PLD5: variants seen among roughly 807,000 people sequenced by gnomAD.
PLD5 encodes the protein inactive phospholipase D5.
A neutral mutation model predicts 61.1 loss-of-function variants in PLD5; 36 were observed. The observed-to-expected ratio is 0.59, with a 90% CI of 0.45 to 0.78. The LOEUF (loss-of-function observed/expected upper bound fraction) is 0.78, where lower values mean the gene tolerates loss of function less well. PLD5 is among the 30% of genes least tolerant of loss of function. PLD5 has a pLI of 0.00. For missense variants in PLD5, 515 were observed against 644.4 expected, an observed-to-expected ratio of 0.80 and a Z score of 2.17; for synonymous variants, 243 against 242.8, an observed-to-expected ratio of 1.00 and a Z score of -0.01.
chr1:242,247,655 A>G (rs1232683534), intron 4 of PLD5, among the ~76,000 whole-genome samples: 1 of 152,158 alleles, frequency 6.6e-6, no homozygotes, highest in African/African-American at 2.4e-5. Flanking sequence ...ATCACAGCCA[A>G]TAACTCAGTT....
intron 1 of PLD5, among the ~76,000 whole-genome samples, chr1:242,497,427 A>G (rs1668406876): frequency 6.6e-6 from 1 of 152,130 alleles, no homozygotes; most frequent in Non-Finnish European, 1.5e-5. Context: ...GCCCAAAAAG[A>G]TCTTTCTCTT....
intron 1 of PLD5, among the ~76,000 whole-genome samples, chr1:242,349,465 A>G (rs1462180002): frequency 6.6e-6 from 1 of 152,206 alleles, no homozygotes; most frequent in Non-Finnish European, 1.5e-5. Flanking sequence ...GATTCCATTT[A>G]GATGGATGGG....
chr1:242,148,119 T>C (rs1664663301), intron 5 of PLD5, among the ~76,000 whole-genome samples: 1 of 152,076 alleles, frequency 6.6e-6, no homozygotes, highest in African/African-American at 2.4e-5. Context: ...AATATTTTTC[T>C]CTTTGTTTTC....
chr1:242,367,113 TC>T (rs1661389129), intron 1 of PLD5, among the ~76,000 whole-genome samples: 1 of 152,094 alleles, frequency 6.6e-6, no homozygotes, highest in Admixed American at 6.6e-5. Context: ...CCTACTCTAC[TC>T]CCCATCTTAT....
Position 242,439,204 on chromosome 1 carries a change from C to A in PLD5, c.189+84884G>T, listed in dbSNP as rs186210189. Among the ~76,000 whole-genome samples, 22 of 152,320 alleles carry A rather than the reference C, an allele frequency of 1.4e-4. No homozygotes were observed. The East Asian group carries it at 4.2e-3, about 29-fold the overall frequency. The stretch of plus-strand genomic sequence containing the variant: ...GCTCAAAGACAAGCAAAGTTTGTTT[C>A]TTGTTCACGTAGAGTCCAAGTCAAT... On this transcript the variant is annotated intron_variant, in intron 1 of 9. Transcript: ENST00000536534.
chr1:242,207,797 TA>T (rs1487708446), intron 5 of PLD5, among the ~76,000 whole-genome samples: 4 of 99,328 alleles, frequency 4.0e-5, no homozygotes, highest in Non-Finnish European at 7.4e-5. Context: ...TATTTATATA[TA>T]TTTATATATA....
intron 7 of PLD5, among the ~76,000 whole-genome samples, chr1:242,108,181 A>G (rs1190256543): frequency 1.3e-5 from 2 of 152,222 alleles, no homozygotes; most frequent in Middle Eastern, 3.4e-3. Flanking sequence ...TGATTATCCA[A>G]TCGAATTCCA....
intron 5 of PLD5, among the ~76,000 whole-genome samples, chr1:242,134,852 T>G (rs954927691): frequency 2.6e-5 from 4 of 152,198 alleles, no homozygotes; most frequent in African/African-American, 9.7e-5. Context: ...CTTCCCTGTC[T>G]GTGAAGTTCC....
rs1181823092 is a variant in PLD5 at position 242,086,825 on chromosome 1, TC to T, written c.*3028del. ...ATATAGTCTCTAATTGTGTTTGTTTTCCTTTTTGCCTCTTGGGAAATAAATC... is the reference window on the plus strand; with the variant it reads ...ATATAGTCTCTAATTGTGTTTGTTTTCTTTTTGCCTCTTGGGAAATAAATC... On this transcript the variant is annotated 3_prime_UTR_variant, in exon 10 of 10. Coordinates refer to ENST00000536534, the MANE Select transcript of PLD5 (RefSeq NM_001372062.1). 1 of 152,198 alleles carries T rather than the reference TC, an allele frequency of 6.6e-6. No individual in the cohort carries two copies. The highest frequency in any genetic ancestry group is 1.5e-5 in the Non-Finnish European group (1 of 68,030). 9.4% of individuals were successfully genotyped at this position (152,198 alleles called of 1,614,324 possible).
intron 2 of PLD5, among the ~76,000 whole-genome samples, chr1:242,343,973 A>T (rs2149215814): frequency 1.3e-5 from 2 of 152,256 alleles, no homozygotes; most frequent in South Asian, 4.1e-4. Context: ...TACAATCTGT[A>T]GCCTCCTGCC....
At chr1:242,261,658 A>G (rs1673378647) in intron 4 of PLD5, among the ~76,000 whole-genome samples, 1 of 152,222 alleles carries the variant, frequency 6.6e-6, no homozygotes, top group Non-Finnish European at 1.5e-5. Context: ...AATTAAAACA[A>G]CAATAACACT....
chr1:242,518,907 C>G (rs189704374), intron 1 of PLD5, among the ~76,000 whole-genome samples: 9 of 152,238 alleles, frequency 5.9e-5, no homozygotes, highest in Admixed American at 5.9e-4. Flanking sequence ...GTGACAAGGA[C>G]AGTGATGGAC....
At chr1:242,092,777 C>T (rs1659934749) in intron 9 of PLD5, among the ~76,000 whole-genome samples, 1 of 152,166 alleles carries the variant, frequency 6.6e-6, no homozygotes, top group African/African-American at 2.4e-5. Context: ...TCCTTTGCAG[C>T]TTTTGTATTT....
At chr1:242,176,868 C>G (rs747937292) in intron 5 of PLD5, among the ~76,000 whole-genome samples, 17 of 152,184 alleles carry the variant, frequency 1.1e-4, no homozygotes, top group Non-Finnish European at 2.2e-4. Context: ...ATCAAAACCA[C>G]AATGAGATAC....
chr1:242,215,419 G>T (rs2164417), intron 5 of PLD5, among the ~76,000 whole-genome samples: 112,627 of 151,938 alleles, frequency 0.74, 42,283 homozygotes, highest in South Asian at 0.88. Flanking sequence ...GTAAAGACCC[G>T]GCAACACTAT....
At chr1:242,341,993 T>A (rs2149213692) in intron 2 of PLD5, among the ~76,000 whole-genome samples, 1 of 152,032 alleles carries the variant, frequency 6.6e-6, no homozygotes, top group South Asian at 2.1e-4. Flanking sequence ...GAGGCTGCCA[T>A]AACTACCTAG....
intron 6 of PLD5, among the ~76,000 whole-genome samples, chr1:242,121,110 A>G (rs6672510): frequency 0.43 from 65,679 of 152,070 alleles, 15,520 homozygotes; most frequent in African/African-American, 0.63. Flanking sequence ...AATTAAATTC[A>G]TCTTGGCATT....
rs546089386 is a variant in PLD5, at chr1:242,108,271, C to T, written c.1071-432G>A. Among the ~76,000 whole-genome samples the T allele has an allele frequency of 6.0e-3, 902 of 151,356 alleles. 11 individuals carry two copies. Among genetic ancestry groups the T allele is most frequent in the African/African-American group, 0.021 (849 of 40,658 alleles). ...GGTGATTGTCCCCGAAATGAACTTA[C>T]GCTCTGGTCATCTGAGCTTCCCCAC... is the stretch of plus-strand genomic sequence containing the variant. On this transcript the variant is annotated intron_variant, in intron 7 of 9. Coordinates refer to ENST00000536534, the MANE Select transcript of PLD5 (RefSeq NM_001372062.1).
intron 5 of PLD5, among the ~76,000 whole-genome samples, chr1:242,159,016 T>C (rs1269481602): frequency 2.0e-5 from 3 of 152,196 alleles, no homozygotes; most frequent in South Asian, 2.1e-4. Context: ...TCTTTTAATA[T>C]ATTGTAGTTT....
Sources: allele counts gnomAD v4.1 joint callset (sites outside exome capture counted in the v4.1 genomes callset), GRCh38; gene constraint gnomAD v4.1.1; transcripts MANE v1.5; gene names NCBI Gene and HGNC (gene_info 2026-07-23, HGNC 2026-07-21).